PAK3: variants seen among roughly 807,000 people sequenced by gnomAD.
The protein encoded by PAK3 is p21 (RAC1) activated kinase 3.
PAK3 carries 4 observed loss-of-function variants against 41.0 expected under a neutral mutation model. The ratio of observed to expected loss-of-function variants is 0.10; its 90% CI spans 0.05 to 0.22. The LOEUF (loss-of-function observed/expected upper bound fraction) is 0.22. Among genes scored for constraint, PAK3 ranks in the 10% least tolerant of loss-of-function variants. The probability of loss-of-function intolerance (pLI) is 1.00; values close to 1 mark genes in which losing one functional copy is unlikely to be tolerated. For synonymous variants in PAK3, 146 were observed against 139.6 expected, an observed-to-expected ratio of 1.05 and a Z score of -0.32; for missense variants, 205 against 409.9, an observed-to-expected ratio of 0.50 and a Z score of 4.32.
chrX:111,023,107 G>T (rs2092213923), intron 1 of PAK3, among the ~76,000 whole-genome samples: 1 of 110,747 alleles, frequency 9.0e-6, no homozygotes. Flanking sequence ...TGTTCTCATT[G>T]TTCAACTCCC....
At chrX:110,971,258 G>T (rs982857193) in intron 1 of PAK3, among the ~76,000 whole-genome samples, 6 of 111,414 alleles carry the variant, frequency 5.4e-5, no homozygotes, top group Non-Finnish European at 1.1e-4. Context: ...CATCTTCCCC[G>T]GCCATAAACA....
rs371211507 is a variant in PAK3 at position 111,162,970 on chromosome X, A to G, written c.524A>G (p.Asp175Gly). 4.8e-5 allele frequency: 58 copies of G among 1,202,901 alleles called. No individual in the cohort carries two copies. The highest frequency in any genetic ancestry group is 6.4e-5 in the Non-Finnish European group (57 of 888,995). ...GCCCCTCCTGTGTCTGAAGAAGAAGATGAAGAGGAAGAAGAAGAAGAAGAT... is the reference window on the plus strand; with the variant it reads ...GCCCCTCCTGTGTCTGAAGAAGAAGGTGAAGAGGAAGAAGAAGAAGAAGAT... ...PLAPPVSEEE[D>G]EEEEEEEDEN... The change falls in exon 9 of 18, where the codon GAT becomes GGT. Residue 175 changes from aspartate to glycine, a missense_variant. By Grantham distance (94) the Asp-to-Gly change is moderately conservative. Transcript: ENST00000372007.
rs143009585 is a variant in PAK3 at position 111,104,583 on chromosome X, G to T, written c.-28+1277G>T. On this transcript the variant is annotated intron_variant, in intron 4 of 17. Transcript: ENST00000372007. ...TAGGGGATCCTCTTTAGGCCTTGAC[G>T]GACAGAAGGTAACTAGGACTGACTA... Among the ~76,000 whole-genome samples, 555 of 111,249 alleles carry T rather than the reference G, an allele frequency of 5.0e-3. 5 individuals carry two copies. Among genetic ancestry groups the T allele is most frequent in the African/African-American group, 0.017 (526 of 30,576 alleles).
intron 1 of PAK3, among the ~76,000 whole-genome samples, chrX:110,994,614 C>T (rs1297530277): frequency 8.9e-6 from 1 of 111,860 alleles, no homozygotes; most frequent in Non-Finnish European, 1.9e-5. Context: ...TTTATTCCTC[C>T]ACAGGGTCTT....
chrX:111,138,828 C>T (rs1207193641), intron 5 of PAK3, among the ~76,000 whole-genome samples: 2 of 110,903 alleles, frequency 1.8e-5, no homozygotes, highest in Non-Finnish European at 3.8e-5. Flanking sequence ...TAGGGGACAG[C>T]ATTTAAGCAT....
At position 111,171,122 on chromosome X, in the gene PAK3, G is replaced by A. The variant is rs190447369; in HGVS notation, c.767-1896G>A. 7.2e-5 allele frequency among the ~76,000 whole-genome samples: 8 copies of A among 111,125 alleles called. No individual in the cohort carries two copies. In the East Asian group the frequency reaches 2.3e-3, roughly 32 times the overall value. On this transcript the variant is annotated intron_variant, in intron 10 of 17. Coordinates refer to ENST00000372007, the MANE Select transcript of PAK3 (RefSeq NM_002578.5). ...AGAGTCTATGAGTAGGTTATGACTG[G>A]CACAATTGTTTGAATAAGAAGTATT...
At chrX:111,122,009 C>T (rs189489390) in intron 4 of PAK3, among the ~76,000 whole-genome samples, 1,706 of 110,352 alleles carry the variant, frequency 0.015, 16 homozygotes, top group Middle Eastern at 0.038. Flanking sequence ...AATCCCAGCA[C>T]TTTGGGAGGC....
chrX:110,964,255 C>G (rs918868241), intron 1 of PAK3, among the ~76,000 whole-genome samples: 1 of 112,117 alleles, frequency 8.9e-6, no homozygotes, highest in Admixed American at 9.4e-5. Flanking sequence ...GATTCAAAAG[C>G]TCAAGCATTT....
At chrX:111,141,043 G>C (rs1358440721) in intron 5 of PAK3, among the ~76,000 whole-genome samples, 2 of 111,458 alleles carry the variant, frequency 1.8e-5, no homozygotes, top group East Asian at 5.6e-4. Context: ...GGGTAAACCT[G>C]GTTCATGCTG....
intron 1 of PAK3, among the ~76,000 whole-genome samples, chrX:111,014,818 A>G (rs370987683): frequency 9.0e-6 from 1 of 111,469 alleles, no homozygotes; most frequent in East Asian, 2.8e-4. Flanking sequence ...CTTGTTCCGC[A>G]GGGACTCACT....
At chrX:111,107,145 G>C (rs2093282583) in intron 4 of PAK3, among the ~76,000 whole-genome samples, 1 of 111,605 alleles carries the variant, frequency 9.0e-6, no homozygotes, top group African/African-American at 3.3e-5. Flanking sequence ...GCATGTCTCT[G>C]GTTTTATATT....
In PAK3 at chrX:111,174,509, A is replaced by C. The variant is rs1341545180; in HGVS notation, c.830+1428A>C. ...AAAAAAGAAGAGTTTTATGGTCTCT[A>C]GAAGCTTCCTGTCACCGAATGGGTC... On this transcript the variant is annotated intron_variant, in intron 11 of 17. Coordinates refer to ENST00000372007, the MANE Select transcript of PAK3 (RefSeq NM_002578.5). Among the ~76,000 whole-genome samples, 3 of 111,791 alleles carry C rather than the reference A, an allele frequency of 2.7e-5. No individual in the cohort carries two copies. In the East Asian group the frequency reaches 8.5e-4, roughly 32 times the overall value.
intron 5 of PAK3, among the ~76,000 whole-genome samples, chrX:111,125,006 C>T (rs1480350470): frequency 8.9e-6 from 1 of 112,048 alleles, no homozygotes; most frequent in African/African-American, 3.2e-5. Context: ...GATTCTTGAG[C>T]CTTTCAGTCA....
chrX:111,189,004 A>G (rs140062156), intron 11 of PAK3, among the ~76,000 whole-genome samples: 4,355 of 111,210 alleles, frequency 0.039, 224 homozygotes, highest in African/African-American at 0.13. Flanking sequence ...GGTTTGGGGT[A>G]CGAATTATCC....
chrX:111,002,170 A>G (rs2091858448), intron 1 of PAK3, among the ~76,000 whole-genome samples: 1 of 111,889 alleles, frequency 8.9e-6, no homozygotes, highest in African/African-American at 3.2e-5. Context: ...ACTATGTGCC[A>G]GGCACTATAA....
chrX:111,171,086 C>T (rs186394596), intron 10 of PAK3, among the ~76,000 whole-genome samples: 97 of 110,852 alleles, frequency 8.8e-4, no homozygotes, highest in African/African-American at 3.1e-3. Flanking sequence ...GTAAGAGGAA[C>T]TAGAGAAAGC....
rs770452001 is a variant in PAK3, at chrX:111,194,274, G to A, written c.993-27G>A. ...TCCCCAGGTTTTTTAGCGTCATAAG[G>A]CAAAGTCTTTTCTTTTCTTGTTATA... On this transcript the variant is annotated intron_variant, in intron 13 of 17. Transcript: ENST00000372007. 7.6e-6 allele frequency: 7 copies of A among 918,590 alleles called. No homozygotes were observed. In the South Asian group the frequency reaches 9.8e-5, roughly 13 times the overall value. The allele number at this position is 918,590 out of a possible 1,213,427, so 75.7% of individuals were successfully genotyped here.
chrX:110,975,180 C>T (rs1210556026), intron 1 of PAK3, among the ~76,000 whole-genome samples: 3 of 112,111 alleles, frequency 2.7e-5, no homozygotes, highest in Non-Finnish European at 5.6e-5. Context: ...TCTCTGTTTG[C>T]AGATGACATG....
At chrX:111,030,570 G>C (rs1462879990) in intron 1 of PAK3, among the ~76,000 whole-genome samples, 1 of 111,454 alleles carries the variant, frequency 9.0e-6, no homozygotes, top group Admixed American at 9.6e-5. Flanking sequence ...TAGATGGGTG[G>C]GTGGATGGAT....
Sources: gnomAD v4.1 joint callset for allele counts (sites outside exome capture counted in the v4.1 genomes callset) on GRCh38, gnomAD v4.1.1 for gene constraint, MANE v1.5 for transcripts, NCBI Gene and HGNC (gene_info 2026-07-23, HGNC 2026-07-21) for gene names.